Variants in FARS2 observed in about 807,000 individuals in gnomAD.
The protein encoded by FARS2 is phenylalanine--tRNA ligase, mitochondrial.
FARS2 carries 40 observed loss-of-function variants against 46.4 expected under a neutral mutation model. That is an observed-to-expected ratio of 0.86 (90% CI 0.67 to 1.12). The LOEUF (loss-of-function observed/expected upper bound fraction) is 1.12, where lower values mean the gene tolerates loss of function less well. FARS2 is among the 50% of genes most tolerant of loss of function. The pLI is 0.00. For missense variants in FARS2, 513 were observed against 567.9 expected, an observed-to-expected ratio of 0.90 and a Z score of 0.98; for synonymous variants, 234 against 214.9, an observed-to-expected ratio of 1.09 and a Z score of -0.78.
intron 6 of FARS2, among the ~76,000 whole-genome samples, chr6:5,711,215 A>C (rs1759125885): frequency 6.6e-6 from 1 of 152,314 alleles, no homozygotes; most frequent in South Asian, 2.1e-4. Context: ...AAAATAAACA[A>C]TAGAGTGCTG....
At chr6:5,525,669 AAGAGCTTGCCT>A in intron 4 of FARS2, among the ~76,000 whole-genome samples, 1 of 152,372 alleles carries the variant, frequency 6.6e-6, no homozygotes, top group African/African-American at 2.4e-5. Flanking sequence ...AAGCAGTTCA[AAGAGCTTGCCT>A]AGGTTTTAGT....
At chr6:5,257,187 C>T (rs928027539), upstream of FARS2, among the ~76,000 whole-genome samples, 5 of 152,088 alleles carry the variant, frequency 3.3e-5, no homozygotes, top group African/African-American at 1.2e-4. Context: ...GTCCAGGGTC[C>T]TCAGCACGGC....
At chr6:5,659,004 G>A (rs1203165178) in intron 6 of FARS2, among the ~76,000 whole-genome samples, 1 of 152,112 alleles carries the variant, frequency 6.6e-6, no homozygotes, top group Non-Finnish European at 1.5e-5. Context: ...GTTATGTATT[G>A]GGAGACTTTG....
At chr6:5,722,901 A>G (rs1760003106) in intron 6 of FARS2, among the ~76,000 whole-genome samples, 1 of 152,200 alleles carries the variant, frequency 6.6e-6, no homozygotes, top group South Asian at 2.1e-4. Flanking sequence ...GAAAATCCCA[A>G]AAGATTACAT....
At chr6:5,658,897 T>C (rs1777721427) in intron 6 of FARS2, among the ~76,000 whole-genome samples, 2 of 152,240 alleles carry the variant, frequency 1.3e-5, no homozygotes, top group South Asian at 4.1e-4. Flanking sequence ...TTTCAAGTTC[T>C]GCTTATATTT....
chr6:5,260,058 G>T (rs1764926044), upstream of FARS2, among the ~76,000 whole-genome samples: 1 of 152,198 alleles, frequency 6.6e-6, no homozygotes, highest in East Asian at 1.9e-4. Context: ...TCTCTGTCTG[G>T]TGAGCCAGGA....
intron 1 of FARS2, among the ~76,000 whole-genome samples, chr6:5,346,014 G>T (rs10793845): frequency 0.18 from 27,259 of 152,102 alleles, 2,969 homozygotes; most frequent in East Asian, 0.49. Flanking sequence ...ATGGCGGTGT[G>T]GGAGAGCAGG....
At chr6:5,293,000 G>A (rs1467660261) in intron 1 of FARS2, among the ~76,000 whole-genome samples, 1 of 152,186 alleles carries the variant, frequency 6.6e-6, no homozygotes. Context: ...AACCAATGGC[G>A]GCCAATGCCG....
intron 6 of FARS2, among the ~76,000 whole-genome samples, chr6:5,693,887 C>A (rs1301287533): frequency 6.6e-6 from 1 of 152,230 alleles, no homozygotes; most frequent in Admixed American, 6.5e-5. Flanking sequence ...GTGTGCAAGT[C>A]AGCAGGTGGA....
At chr6:5,438,011 T>C (rs1763623584) in intron 4 of FARS2, among the ~76,000 whole-genome samples, 2 of 152,126 alleles carry the variant, frequency 1.3e-5, no homozygotes. Context: ...GTTTGAAGGA[T>C]GTTTTTATTG....
At position 5,545,165 on chromosome 6, in the gene FARS2, G is replaced by T; in HGVS notation, c.905-15G>T. 3 of 1,613,256 alleles carry T rather than the reference G, an allele frequency of 1.9e-6. No homozygotes were observed. Among genetic ancestry groups the T allele is most frequent in the Non-Finnish European group, 2.5e-6 (3 of 1,179,464 alleles). On this transcript the variant is annotated splice_polypyrimidine_tract_variant and intron_variant, in intron 4 of 6. Coordinates refer to ENST00000274680, the MANE Select transcript of FARS2 (RefSeq NM_006567.5). Reference sequence around the variant, plus strand: ...GATACTTTTTAAAAACAACTATTTTGTTTCCTAATCACAGCTGGTGCTCAA... The same window carrying T: ...GATACTTTTTAAAAACAACTATTTTTTTTCCTAATCACAGCTGGTGCTCAA...
chr6:5,490,603 G>C (rs1767047890), intron 4 of FARS2, among the ~76,000 whole-genome samples: 2 of 152,216 alleles, frequency 1.3e-5, no homozygotes, highest in South Asian at 2.1e-4. Context: ...ATGGGTTTGT[G>C]TGATCAGTAG....
chr6:5,297,965 ATC>A (rs567143388), intron 1 of FARS2, among the ~76,000 whole-genome samples: 79 of 152,370 alleles, frequency 5.2e-4, no homozygotes, highest in African/African-American at 1.8e-3. Context: ...AAGCAACAGT[ATC>A]TAAAGCTGGA....
intron 6 of FARS2, among the ~76,000 whole-genome samples, chr6:5,705,787 T>C (rs1182890342): frequency 6.6e-6 from 1 of 152,140 alleles, no homozygotes; most frequent in Non-Finnish European, 1.5e-5. Context: ...TGCCTCCCCA[T>C]TCTCCACTTT....
intron 4 of FARS2, among the ~76,000 whole-genome samples, chr6:5,473,369 A>G (rs963074928): frequency 1.3e-5 from 2 of 152,094 alleles, no homozygotes; most frequent in African/African-American, 4.8e-5. Flanking sequence ...TACTAAAAAT[A>G]CAAAAAAATT....
chr6:5,522,498 A>G (rs2150430172), intron 4 of FARS2, among the ~76,000 whole-genome samples: 1 of 152,390 alleles, frequency 6.6e-6, no homozygotes, highest in South Asian at 2.1e-4. Context: ...CAGATGAACT[A>G]TACCAATTTG....
intron 1 of FARS2, among the ~76,000 whole-genome samples, chr6:5,263,148 T>G (rs781195072): frequency 7.2e-5 from 11 of 152,242 alleles, no homozygotes; most frequent in Non-Finnish European, 1.2e-4. Flanking sequence ...ATTTTGCTTT[T>G]GAGAGTAAAG....
At chr6:5,734,074 G>A (rs1337027428) in intron 6 of FARS2, among the ~76,000 whole-genome samples, 1 of 152,204 alleles carries the variant, frequency 6.6e-6, no homozygotes, top group African/African-American at 2.4e-5. Flanking sequence ...TAAGGGGTTT[G>A]GGATTGCCGA....
intron 5 of FARS2, among the ~76,000 whole-genome samples, chr6:5,585,678 A>AAT (rs1464983828): frequency 6.6e-6 from 1 of 151,916 alleles, no homozygotes; most frequent in Non-Finnish European, 1.5e-5. Flanking sequence ...ATAATAGTCT[A>AAT]ATATATATAA....
Sources: allele counts gnomAD v4.1 joint callset (sites outside exome capture counted in the v4.1 genomes callset), GRCh38; gene constraint gnomAD v4.1.1; transcripts MANE v1.5; gene names NCBI Gene and HGNC (gene_info 2026-07-23, HGNC 2026-07-21).